The following SPATA6 variants were observed in gnomAD, a reference collection of about 807,000 sequenced individuals.
The protein encoded by SPATA6 is spermatogenesis-associated protein 6.
SPATA6 carries 56 observed loss-of-function variants against 65.3 expected under a neutral mutation model. The ratio of observed to expected loss-of-function variants is 0.86; its 90% CI spans 0.69 to 1.07. The LOEUF (loss-of-function observed/expected upper bound fraction) is 1.07, where lower values mean the gene tolerates loss of function less well. SPATA6 is among the 50% of genes least tolerant of loss of function. The probability of loss-of-function intolerance (pLI) is 0.00; values close to 1 mark genes in which losing one functional copy is unlikely to be tolerated. For missense variants in SPATA6, 590 were observed against 594.8 expected (o/e 0.99, Z 0.08); for synonymous variants, 199 against 213.2 (o/e 0.93, Z 0.58).
intron 3 of SPATA6, among the ~76,000 whole-genome samples, chr1:48,428,789 G>GTA (rs1226921384): frequency 4.9e-4 from 49 of 101,004 alleles, no homozygotes; most frequent in Admixed American, 1.7e-3. Context: ...GTGTGTGTGT[G>GTA]TGTGTGTGTG....
chr1:48,268,799 G>A, the SPATA6 span, among the ~76,000 whole-genome samples: 2 of 152,136 alleles, frequency 1.3e-5, no homozygotes, highest in Non-Finnish European at 2.9e-5. Flanking sequence ...ATGACACTAA[G>A]GCAGCTGTCT....
At chr1:48,357,690 T>C (rs1264401337) in intron 10 of SPATA6, among the ~76,000 whole-genome samples, 3 of 152,144 alleles carry the variant, frequency 2.0e-5, no homozygotes, top group Non-Finnish European at 4.4e-5. Flanking sequence ...TAAAAAGCCA[T>C]TTCAGAGAAT....
intron 3 of SPATA6, among the ~76,000 whole-genome samples, chr1:48,418,184 C>T (rs749648656): frequency 1.3e-5 from 2 of 152,078 alleles, no homozygotes; most frequent in African/African-American, 2.4e-5. Flanking sequence ...CTTAAAAAGA[C>T]TTTTCTATCA....
intron 3 of SPATA6, among the ~76,000 whole-genome samples, chr1:48,427,434 C>CAAAAAAAAAAAAAAAAAAA (rs760835892): frequency 1.0e-4 from 7 of 67,608 alleles, no homozygotes; most frequent in Non-Finnish European, 1.7e-4. Flanking sequence ...AAAATTGAGG[C>CAAAAAAAAAAAAAAAAAAA]AAAAAAAAAA....
At position 48,296,710 on chromosome 1, in the gene SPATA6, T is replaced by C. The variant is rs1644818403; in HGVS notation, c.*2003A>G. 1 of 152,142 alleles carries C rather than the reference T, an allele frequency of 6.6e-6. No individual in the cohort carries two copies. Among genetic ancestry groups the C allele is most frequent in the Non-Finnish European group, 1.5e-5 (1 of 68,022 alleles). 9.4% of individuals were successfully genotyped at this position (152,142 alleles called of 1,614,324 possible). A position where few individuals can be genotyped will look rare whatever the true frequency, so the allele number is the denominator to read the frequency against. On this transcript the variant is annotated 3_prime_UTR_variant, in exon 13 of 13. Coordinates refer to ENST00000371847, the MANE Select transcript of SPATA6 (RefSeq NM_019073.4). ...CAAAAGCTGATTGTAAAATACCTCATCATATAATCTACAGCCAGAGAGTAA... is the reference window on the plus strand; with the variant it reads ...CAAAAGCTGATTGTAAAATACCTCACCATATAATCTACAGCCAGAGAGTAA...
intron 9 of SPATA6, among the ~76,000 whole-genome samples, chr1:48,370,183 G>T (rs189330514): frequency 2.0e-5 from 3 of 152,318 alleles, no homozygotes; most frequent in Admixed American, 6.5e-5. Flanking sequence ...AATATTTGTT[G>T]TTAGCCTACA....
chr1:48,436,641 C>T, intron 3 of SPATA6: 1 of 1,614,122 alleles, frequency 6.2e-7, no homozygotes, highest in Non-Finnish European at 8.5e-7. Flanking sequence ...TCCCACAGTT[C>T]AGCACATCAG....
chr1:48,447,091 C>G (rs1169972569), intron 3 of SPATA6, among the ~76,000 whole-genome samples: 2 of 152,008 alleles, frequency 1.3e-5, no homozygotes, highest in Non-Finnish European at 2.9e-5. Flanking sequence ...ATAACATTTG[C>G]TTTTCTCTAG....
chr1:48,313,510 C>A (rs888432578), intron 11 of SPATA6, among the ~76,000 whole-genome samples: 1 of 152,052 alleles, frequency 6.6e-6, no homozygotes, highest in African/African-American at 2.4e-5. Context: ...ATTTTGTCAC[C>A]ACCAGGCCTG....
At chr1:48,286,672 T>A in the SPATA6 span, among the ~76,000 whole-genome samples, 1 of 152,130 alleles carries the variant, frequency 6.6e-6, no homozygotes, top group Non-Finnish European at 1.5e-5. Context: ...GGCTAGGTAA[T>A]ATAGTTTTGT....
intron 6 of SPATA6, among the ~76,000 whole-genome samples, chr1:48,403,207 A>T (rs1040201520): frequency 1.3e-5 from 2 of 152,064 alleles, no homozygotes; most frequent in Non-Finnish European, 2.9e-5. Flanking sequence ...AGACAAATGG[A>T]GTATTAGATC....
chr1:48,414,595 T>C (rs927989305), intron 3 of SPATA6, among the ~76,000 whole-genome samples: 1 of 152,038 alleles, frequency 6.6e-6, no homozygotes, highest in Non-Finnish European at 1.5e-5. Context: ...AGCCATCCTG[T>C]CCAAACTAAG....
chr1:48,331,805 G>A (rs1275154593), intron 11 of SPATA6, among the ~76,000 whole-genome samples: 1 of 152,180 alleles, frequency 6.6e-6, no homozygotes, highest in Non-Finnish European at 1.5e-5. Flanking sequence ...AAGAAAAAAT[G>A]ATAAAGGCAG....
chr1:48,272,769 A>G, the SPATA6 span, among the ~76,000 whole-genome samples: 1 of 152,152 alleles, frequency 6.6e-6, no homozygotes, highest in Non-Finnish European at 1.5e-5. Context: ...ACTGATTTCC[A>G]TAACGGCTAT....
chr1:48,468,591 A>G (rs910923382), intron 1 of SPATA6, among the ~76,000 whole-genome samples: 1 of 152,178 alleles, frequency 6.6e-6, no homozygotes, highest in Non-Finnish European at 1.5e-5. Flanking sequence ...TGGACCTGAA[A>G]GGGGAACAAG....
chr1:48,400,853 T>C, intron 6 of SPATA6: 1 of 1,264,396 alleles, frequency 7.9e-7, no homozygotes, highest in South Asian at 1.4e-5. Flanking sequence ...TGTTCAATGA[T>C]TTCAAAAAGT....
chr1:48,444,324 A>G (rs1301922147), intron 3 of SPATA6, among the ~76,000 whole-genome samples: 1 of 151,788 alleles, frequency 6.6e-6, no homozygotes, highest in African/African-American at 2.4e-5. Context: ...GCACTCTGTA[A>G]AAACGCACCA....
At chr1:48,344,197 A>G (rs1201996096) in intron 11 of SPATA6, 1 of 152,220 alleles carries the variant, frequency 6.6e-6, no homozygotes, top group Non-Finnish European at 1.5e-5. Context: ...CTAACCACAT[A>G]AAGCTATTTT....
chr1:48,294,362 C>A (rs1644787224), downstream of SPATA6, among the ~76,000 whole-genome samples: 1 of 152,186 alleles, frequency 6.6e-6, no homozygotes, highest in Non-Finnish European at 1.5e-5. Context: ...CAGGCGTGAG[C>A]CACTGCATCC....
Sources: gnomAD v4.1 joint callset for allele counts (sites outside exome capture counted in the v4.1 genomes callset) on GRCh38, gnomAD v4.1.1 for gene constraint, MANE v1.5 for transcripts, NCBI Gene and HGNC (gene_info 2026-07-23, HGNC 2026-07-21) for gene names.